PSPC1: variants seen among roughly 807,000 people sequenced by gnomAD.
PSPC1 encodes the protein paraspeckle protein 1.
A neutral mutation model predicts 51.6 loss-of-function variants in PSPC1; 14 were observed. The observed-to-expected ratio is 0.27, with a 90% confidence interval of 0.18 to 0.42. The LOEUF is 0.42. PSPC1 is among the 10% of genes least tolerant of loss of function. The pLI, the probability that PSPC1 is intolerant of heterozygous loss-of-function variation, is 1.00. For synonymous variants in PSPC1, 193 were observed against 231.9 expected, an observed-to-expected ratio of 0.83 and a Z score of 1.53; for missense variants, 406 against 701.1, an observed-to-expected ratio of 0.58 and a Z score of 4.75.
chr13:19,677,777 T>G (rs551038177), exon 7 of PSPC1: 1 of 487,862 alleles, frequency 2.0e-6, no homozygotes, highest in East Asian at 5.6e-5. Flanking sequence ...TGAATTACAC[T>G]GCAAGCTGAA....
At chr13:19,749,637 CTTT>C (rs59422281) in intron 4 of PSPC1, among the ~76,000 whole-genome samples, 2 of 138,314 alleles carry the variant, frequency 1.4e-5, no homozygotes, top group Admixed American at 7.4e-5. Context: ...GACAGTTTAT[CTTT>C]TTTTTTTTTT....
intron 6 of PSPC1, among the ~76,000 whole-genome samples, chr13:19,727,268 C>T (rs767392489): frequency 6.6e-5 from 10 of 152,116 alleles, no homozygotes; most frequent in Non-Finnish European, 1.3e-4. Flanking sequence ...GTGGCAGGCA[C>T]CTGTAATCCC....
At chr13:19,727,410 A>T (rs937593908) in intron 6 of PSPC1, among the ~76,000 whole-genome samples, 1 of 152,190 alleles carries the variant, frequency 6.6e-6, no homozygotes, top group African/African-American at 2.4e-5. Context: ...ATAAATAAAA[A>T]AAAAAAGAAA....
intron 1 of PSPC1, among the ~76,000 whole-genome samples, chr13:19,778,078 C>A (rs1170615717): frequency 6.6e-6 from 1 of 151,750 alleles, no homozygotes; most frequent in Non-Finnish European, 1.5e-5. Context: ...CCCGTCTCTA[C>A]TAAAAATACA....
chr13:19,711,402 C>T (rs1327339071), intron 6 of PSPC1, among the ~76,000 whole-genome samples: 2 of 151,806 alleles, frequency 1.3e-5, no homozygotes, highest in East Asian at 1.9e-4. Context: ...TTTGGGAGGC[C>T]GAGATGGGCG....
At chr13:19,738,779 C>T (rs144777173) in intron 5 of PSPC1, among the ~76,000 whole-genome samples, 7 of 152,004 alleles carry the variant, frequency 4.6e-5, no homozygotes, top group Non-Finnish European at 1.0e-4. Context: ...TGGTGGCACG[C>T]GTCTATAGTC....
chr13:19,764,006 A>G (rs1466713169), intron 2 of PSPC1, among the ~76,000 whole-genome samples: 1 of 150,194 alleles, frequency 6.7e-6, no homozygotes, highest in Admixed American at 6.6e-5. Flanking sequence ...CTGTCTCGGA[A>G]AAAAAGAAAC....
chr13:19,697,137 C>A (rs1358016509), intron 6 of PSPC1, among the ~76,000 whole-genome samples: 1 of 152,128 alleles, frequency 6.6e-6, no homozygotes, highest in Non-Finnish European at 1.5e-5. Context: ...TTTTGAGGCA[C>A]AATATCTGAA....
intron 5 of PSPC1, among the ~76,000 whole-genome samples, chr13:19,733,682 G>A (rs954980808): frequency 6.6e-6 from 1 of 151,878 alleles, no homozygotes; most frequent in Non-Finnish European, 1.5e-5. Context: ...AGAATCGCTG[G>A]AACCTGGGAG....
intron 2 of PSPC1, among the ~76,000 whole-genome samples, chr13:19,769,448 G>C (rs572617607): frequency 6.6e-6 from 1 of 152,200 alleles, no homozygotes; most frequent in South Asian, 2.1e-4. Context: ...CCAGCTACTC[G>C]GGAGGCTGAG....
At chr13:19,771,197 G>A (rs1033425802) in intron 2 of PSPC1, among the ~76,000 whole-genome samples, 1 of 152,054 alleles carries the variant, frequency 6.6e-6, no homozygotes, top group Non-Finnish European at 1.5e-5. Context: ...GAGTGCAGTG[G>A]CACAATCTGG....
chr13:19,677,157 C>T (rs1292399241), intron 7 of PSPC1, among the ~76,000 whole-genome samples: 3 of 151,004 alleles, frequency 2.0e-5, no homozygotes, highest in Non-Finnish European at 2.9e-5. Context: ...GGCATGAACC[C>T]GGGAGGCAGA....
chr13:19,672,220 C>T, downstream of PSPC1: 1 of 204,742 alleles, frequency 4.9e-6, no homozygotes, highest in Non-Finnish European at 1.0e-5. Flanking sequence ...TCTCGGCTCA[C>T]TGCAAGCTCT....
chr13:19,750,359 G>T (rs543943914), intron 4 of PSPC1, among the ~76,000 whole-genome samples: 1 of 151,886 alleles, frequency 6.6e-6, no homozygotes, highest in African/African-American at 2.4e-5. Flanking sequence ...TTGAACCCAG[G>T]TGGTGGAGGC....
chr13:19,692,176 T>C (rs1459971554), intron 6 of PSPC1, among the ~76,000 whole-genome samples: 1 of 152,128 alleles, frequency 6.6e-6, no homozygotes, highest in Non-Finnish European at 1.5e-5. Context: ...CAGGCTGGAG[T>C]GCAGTGGTGT....
At chr13:19,689,768 C>G (rs913609123) in intron 6 of PSPC1, among the ~76,000 whole-genome samples, 3 of 152,200 alleles carry the variant, frequency 2.0e-5, no homozygotes, top group Non-Finnish European at 4.4e-5. Context: ...TGAGTAATGT[C>G]TACCATATAA....
At chr13:19,704,637 TAAA>T (rs1413935175) in intron 8 of PSPC1, among the ~76,000 whole-genome samples, 11 of 152,324 alleles carry the variant, frequency 7.2e-5, no homozygotes, top group Non-Finnish European at 1.6e-4. Context: ...TAACAAACAC[TAAA>T]TGAGAAAACG....
In PSPC1 at chr13:19,782,282, C is replaced by CA. The variant is rs1413698741; in HGVS notation, c.372+103dup. On this transcript the variant is annotated intron_variant, in intron 1 of 8. Transcript: ENST00000338910. The surrounding 1 kb of genome is among the most constrained non-coding windows in gnomAD (Gnocchi z 4.5). ...TGAGGCCGAGCGGCGCCACGGTTGC[C>CA]ACAGGTTGAGACAGCGTCCTAGGAC... The CA allele has an allele frequency of 2.1e-6, 3 of 1,427,504 alleles. No homozygotes were observed. The Admixed American group carries it at 8.0e-5, about 38-fold the overall frequency. The allele number at this position is 1,427,504 out of a possible 1,614,324, so 88.4% of individuals were successfully genotyped here.
intron 4 of PSPC1, among the ~76,000 whole-genome samples, chr13:19,747,163 ATT>A (rs1416910759): frequency 2.0e-5 from 3 of 152,238 alleles, no homozygotes; most frequent in Non-Finnish European, 4.4e-5. Context: ...ATGCATATAT[ATT>A]CTTTGCAGCA....
Sources: allele counts gnomAD v4.1 joint callset (sites outside exome capture counted in the v4.1 genomes callset), GRCh38; gene constraint gnomAD v4.1.1; non-coding constraint Gnocchi (gnomAD v3.1); transcripts MANE v1.5; gene names NCBI Gene and HGNC (gene_info 2026-07-23, HGNC 2026-07-21).